Variants in USH2A observed in about 807,000 individuals in gnomAD.
USH2A encodes usherin.
Under a neutral mutation model 538.9 loss-of-function variants are expected in USH2A, and 443 were observed. The ratio of observed to expected loss-of-function variants is 0.82; its 90% confidence interval spans 0.76 to 0.89. The LOEUF (loss-of-function observed/expected upper bound fraction) is 0.89. Ranked by LOEUF, USH2A falls within the 40% of genes least tolerant of loss-of-function variation. The probability of loss-of-function intolerance (pLI) is 0.00; values close to 1 mark genes in which losing one functional copy is unlikely to be tolerated. For synonymous variants in USH2A, 2,413 were observed against 2,273.5 expected, an observed-to-expected ratio of 1.06 and a Z score of -1.75; for missense variants, 6,633 against 6,324.8, an observed-to-expected ratio of 1.05 and a Z score of -1.65.
intron 21 of USH2A, among the ~76,000 whole-genome samples, chr1:216,119,680 A>G (rs149967780): frequency 3.9e-5 from 6 of 152,310 alleles, no homozygotes; most frequent in African/African-American, 1.4e-4. Flanking sequence ...TTGAGCATGT[A>G]TATCATTTCA....
intron 31 of USH2A, among the ~76,000 whole-genome samples, chr1:216,047,949 A>G (rs1279837007): frequency 6.6e-6 from 1 of 152,212 alleles, no homozygotes; most frequent in East Asian, 1.9e-4. Context: ...TTCTTAACAT[A>G]TGCTTTCTGA....
chr1:215,781,940 G>C, intron 54 of USH2A, 102 bp downstream of exon 54: 1 of 1,502,266 alleles, frequency 6.7e-7, no homozygotes, highest in Non-Finnish European at 9.2e-7. Flanking sequence ...ACTTTGAGGA[G>C]GGACATTGTT....
intron 64 of USH2A, among the ~76,000 whole-genome samples, chr1:215,656,709 C>A (rs760012009): frequency 2.0e-5 from 3 of 152,114 alleles, no homozygotes; most frequent in African/African-American, 4.8e-5. Flanking sequence ...GAGCTCTCTG[C>A]AACTTCTGTG....
chr1:215,879,110 G>C lies in USH2A; in HGVS notation c.8224-12C>G. 1 of 1,605,220 alleles carries C rather than the reference G, an allele frequency of 6.2e-7. No individual in the cohort carries two copies. The stretch of plus-strand genomic sequence containing the variant: ...GGTTTCCAAGTGACCTGAAATGAAA[G>C]ATAAACTTAGAATCAGTGTGACGAT... On this transcript the variant is annotated splice_polypyrimidine_tract_variant and intron_variant, in intron 41 of 71. Transcript: ENST00000307340.
intron 49 of USH2A, among the ~76,000 whole-genome samples, chr1:215,805,171 T>C (rs1051735930): frequency 6.6e-6 from 1 of 151,976 alleles, no homozygotes; most frequent in Non-Finnish European, 1.5e-5. Context: ...GATTAGGAGA[T>C]ATACCTAATG....
intron 64 of USH2A, among the ~76,000 whole-genome samples, chr1:215,662,343 C>T (rs1413406321): frequency 6.6e-6 from 1 of 152,200 alleles, no homozygotes; most frequent in Admixed American, 6.5e-5. Flanking sequence ...GGAAGATCAA[C>T]ATCACCTTAA....
chr1:216,313,082 G>A (rs1261240592), intron 9 of USH2A, among the ~76,000 whole-genome samples: 1 of 152,174 alleles, frequency 6.6e-6, no homozygotes, highest in African/African-American at 2.4e-5. Flanking sequence ...ATGGTTTCAA[G>A]ATGAAGGTAT....
chr1:215,628,771 C>T, intron 71 of USH2A, 43 bp downstream of exon 71: 1 of 1,604,482 alleles, frequency 6.2e-7, no homozygotes, highest in Non-Finnish European at 8.5e-7. Flanking sequence ...AATATTTTTT[C>T]TGGGATATTT....
chr1:215,863,649 A>AAG lies in USH2A; in HGVS notation c.8845+3356_8845+3357dup, dbSNP rs35657853. Among the ~76,000 whole-genome samples, 601 of 141,220 alleles carry AAG rather than the reference A, an allele frequency of 4.3e-3. 4 individuals are homozygous for AAG. The highest frequency in any genetic ancestry group is 0.014 in the African/African-American group (519 of 36,030). The allele number at this position is 141,220 out of a possible 152,430, so 92.6% of individuals were successfully genotyped here. A position where few individuals can be genotyped will look rare whatever the true frequency, so the allele number is the denominator to read the frequency against. On this transcript the variant is annotated intron_variant, in intron 44 of 71. Transcript: ENST00000307340. ...TGAGGAAGGAAGGAAAATAGGAAGA[A>AAG]AGAGAGAGAGAGAGAGAGGGTAGAA...
rs113504073 is a variant in USH2A, at chr1:215,795,015, C to T, written c.9958+3892G>A. ...TAGAACAGATGTATTTTACTTCATG[C>T]CAGGGGTGTTCTGACTTCTCTTTCC... On this transcript the variant is annotated intron_variant, in intron 50 of 71. Transcript: ENST00000307340. Among the ~76,000 whole-genome samples, 245 of 152,216 alleles carry T rather than the reference C, an allele frequency of 1.6e-3. 1 individual carries two copies. The highest frequency in any genetic ancestry group is 2.9e-3 in the Non-Finnish European group (197 of 67,998).
At chr1:216,266,738 A>C (rs1323981268) in intron 11 of USH2A, among the ~76,000 whole-genome samples, 1 of 152,048 alleles carries the variant, frequency 6.6e-6, no homozygotes, top group Non-Finnish European at 1.5e-5. Flanking sequence ...TACCATATAT[A>C]TGTATATATT....
At chr1:215,905,886 C>T (rs1323399633) in intron 38 of USH2A, among the ~76,000 whole-genome samples, 1 of 152,072 alleles carries the variant, frequency 6.6e-6, no homozygotes, top group African/African-American at 2.4e-5. Context: ...AAACTGCGGC[C>T]TTTTACCTAT....
At chr1:215,836,826 G>A (rs189023999) in intron 47 of USH2A, among the ~76,000 whole-genome samples, 18 of 151,140 alleles carry the variant, frequency 1.2e-4, no homozygotes, top group Middle Eastern at 3.2e-3. Flanking sequence ...AAAGTGCTGG[G>A]ATTACAGGCG....
intron 21 of USH2A, 70 bp downstream of exon 21, chr1:216,175,182 G>A: frequency 6.2e-7 from 1 of 1,600,634 alleles, no homozygotes; most frequent in South Asian, 1.1e-5. Context: ...CATTGTAAAG[G>A]GATATGAAAA....
intron 9 of USH2A, among the ~76,000 whole-genome samples, chr1:216,303,522 T>C (rs1372111151): frequency 2.6e-5 from 4 of 152,000 alleles, no homozygotes; most frequent in Non-Finnish European, 5.9e-5. Context: ...TATTTAAATA[T>C]AAAGGGTATT....
At chr1:216,076,287 A>G (rs960155538) in intron 27 of USH2A, among the ~76,000 whole-genome samples, 1 of 152,200 alleles carries the variant, frequency 6.6e-6, no homozygotes, top group Non-Finnish European at 1.5e-5. Flanking sequence ...TATGGATGAT[A>G]CTACAGTAAT....
At chr1:215,968,459 G>A (rs917411361) in intron 36 of USH2A, among the ~76,000 whole-genome samples, 2 of 151,930 alleles carry the variant, frequency 1.3e-5, no homozygotes, top group Non-Finnish European at 2.9e-5. Context: ...AAAAAAATGA[G>A]CTAATACTAC....
At chr1:216,098,009 CG>C (rs2032485574) in intron 21 of USH2A, among the ~76,000 whole-genome samples, 1 of 147,940 alleles carries the variant, frequency 6.8e-6, no homozygotes, top group African/African-American at 2.6e-5. Flanking sequence ...ATGATGCCTT[CG>C]CCCTACCATT....
intron 47 of USH2A, among the ~76,000 whole-genome samples, chr1:215,830,264 CA>C: frequency 6.6e-6 from 1 of 152,236 alleles, no homozygotes; most frequent in East Asian, 1.9e-4. Flanking sequence ...GGAAAACCCC[CA>C]TTTTTGTTTT....
Sources: allele counts gnomAD v4.1 joint callset (sites outside exome capture counted in the v4.1 genomes callset), GRCh38; gene constraint gnomAD v4.1.1; transcripts MANE v1.5; gene names NCBI Gene and HGNC (gene_info 2026-07-23, HGNC 2026-07-21).